The following APBB2 variants were observed in gnomAD, a reference collection of about 807,000 sequenced individuals.
APBB2 encodes amyloid beta precursor protein binding family B member 2.
A neutral mutation model predicts 82.5 loss-of-function variants in APBB2; 38 were observed. The observed-to-expected ratio is 0.46, with a 90% confidence interval of 0.36 to 0.60. APBB2 has a LOEUF of 0.60. Ranked by LOEUF, APBB2 falls within the 20% of genes least tolerant of loss-of-function variation. The pLI is 0.00. For missense variants in APBB2, 772 were observed against 972.3 expected (o/e 0.79, Z 2.74); for synonymous variants, 341 against 368.2 (o/e 0.93, Z 0.85).
At chr4:40,894,156 T>C (rs1364795506) in intron 10 of APBB2, among the ~76,000 whole-genome samples, 8 of 151,760 alleles carry the variant, frequency 5.3e-5, no homozygotes, top group South Asian at 4.2e-4. Context: ...GGCGTGGTGG[T>C]GGGCGCCTCT....
intron 12 of APBB2, among the ~76,000 whole-genome samples, chr4:40,857,467 T>C (rs1578013837): frequency 6.6e-6 from 1 of 152,044 alleles, no homozygotes; most frequent in Non-Finnish European, 1.5e-5. Context: ...GCTGGGTTTC[T>C]GGTTTCTTTT....
chr4:41,059,226 C>T (rs930840592), intron 4 of APBB2, among the ~76,000 whole-genome samples: 3 of 152,182 alleles, frequency 2.0e-5, no homozygotes, highest in Non-Finnish European at 2.9e-5. Context: ...TTTGGGAGGC[C>T]GAGGCAGGCG....
intron 13 of APBB2, 129 bp from the exon 14 acceptor site, chr4:40,827,348 C>T: frequency 1.5e-6 from 1 of 682,764 alleles, no homozygotes; most frequent in Non-Finnish European, 2.6e-6. Flanking sequence ...TGCCTGAAGT[C>T]CCACCCCTGC....
chr4:41,083,461 C>T (rs955160884), intron 3 of APBB2, among the ~76,000 whole-genome samples: 2 of 151,866 alleles, frequency 1.3e-5, no homozygotes, highest in African/African-American at 4.8e-5. Context: ...GAGGCCAAGG[C>T]AGGTGGATCA....
At chr4:41,199,367 G>A (rs1223755716) in intron 1 of APBB2, among the ~76,000 whole-genome samples, 2 of 152,128 alleles carry the variant, frequency 1.3e-5, no homozygotes, top group Admixed American at 6.5e-5. Flanking sequence ...AAACATACAT[G>A]AGAAACTTTC....
intron 4 of APBB2, among the ~76,000 whole-genome samples, chr4:41,064,641 G>A (rs1057435108): frequency 6.6e-6 from 1 of 152,202 alleles, no homozygotes; most frequent in African/African-American, 2.4e-5. Flanking sequence ...TTTCTCCCAG[G>A]TTAATCAGGG....
intron 17 of APBB2, 101 bp downstream of exon 17, chr4:40,821,770 T>C (rs1400871632): frequency 7.4e-7 from 1 of 1,356,752 alleles, no homozygotes; most frequent in Non-Finnish European, 1.0e-6. Flanking sequence ...CTTTAGGGAT[T>C]CGACTTTTTT....
rs772292359 is a variant in APBB2, at chr4:40,823,710, G to A, written c.1866C>T (p.Asn622=). Residue 622 remains asparagine (N), a synonymous_variant, in exon 16 of 18, where the codon AAC becomes AAT. Coordinates refer to ENST00000508593, the MANE Select transcript of APBB2 (RefSeq NM_004307.2). ...SAIENLMTSS[N]KEDWLSVNMN... is the part of the protein sequence containing the mutation. ...TGTTCACTGACAGCCAGTCCTCCTT[G>A]TTGGATGAGGTCATAAGATTTTCTA... 5 of 1,613,896 alleles carry A rather than the reference G, an allele frequency of 3.1e-6. No homozygotes were observed. Among genetic ancestry groups the A allele is most frequent in the Non-Finnish European group, 4.2e-6 (5 of 1,179,966 alleles).
At chr4:40,961,299 G>A (rs1230768622) in intron 6 of APBB2, among the ~76,000 whole-genome samples, 3 of 152,042 alleles carry the variant, frequency 2.0e-5, no homozygotes, top group South Asian at 2.1e-4. Context: ...GATTAGCTTT[G>A]CAATCTCCTA....
intron 6 of APBB2, among the ~76,000 whole-genome samples, chr4:40,950,104 AT>A (rs1479362819): frequency 2.0e-5 from 3 of 152,230 alleles, no homozygotes; most frequent in Non-Finnish European, 2.9e-5. Flanking sequence ...CCTGCAGAGC[AT>A]CTTAAAATGC....
chr4:41,065,162 T>C (rs1026912535), intron 4 of APBB2, among the ~76,000 whole-genome samples: 2 of 151,906 alleles, frequency 1.3e-5, no homozygotes, highest in African/African-American at 4.8e-5. Flanking sequence ...GTGGCACATC[T>C]GTAGTCCCAA....
At chr4:41,085,814 C>A (rs1739456560) in intron 3 of APBB2, among the ~76,000 whole-genome samples, 1 of 151,924 alleles carries the variant, frequency 6.6e-6, no homozygotes, top group Non-Finnish European at 1.5e-5. Context: ...AAAAAGAAGT[C>A]TAATACTGAA....
intron 12 of APBB2, among the ~76,000 whole-genome samples, chr4:40,872,181 G>T (rs746387042): frequency 6.6e-6 from 1 of 152,210 alleles, no homozygotes. Flanking sequence ...TTGTAGTCTA[G>T]ATTGTGACTT....
At chr4:40,982,116 T>C (rs1052450577) in intron 6 of APBB2, among the ~76,000 whole-genome samples, 6 of 147,992 alleles carry the variant, frequency 4.1e-5, no homozygotes, top group Admixed American at 3.4e-4. Flanking sequence ...ACCCAGGAGG[T>C]GGAGGTTGCA....
intron 1 of APBB2, among the ~76,000 whole-genome samples, chr4:41,190,488 A>G (rs530932354): frequency 2.4e-4 from 37 of 152,000 alleles, no homozygotes; most frequent in Admixed American, 1.8e-3. Context: ...TGACCTTGTG[A>G]TCCACCTGCC....
intron 10 of APBB2, among the ~76,000 whole-genome samples, chr4:40,901,654 C>CG (rs1225867002): frequency 3.9e-5 from 6 of 152,146 alleles, no homozygotes; most frequent in African/African-American, 1.4e-4. Context: ...GGATTACAGG[C>CG]GCCCATCACC....
At chr4:41,128,655 C>T (rs1755104072) in intron 2 of APBB2, among the ~76,000 whole-genome samples, 1 of 152,132 alleles carries the variant, frequency 6.6e-6, no homozygotes, top group Admixed American at 6.5e-5. Context: ...CTGTATCAGG[C>T]AGTGTTCTAG....
At chr4:41,020,405 G>GT (rs2154433259) in intron 5 of APBB2, among the ~76,000 whole-genome samples, 1 of 152,338 alleles carries the variant, frequency 6.6e-6, no homozygotes, top group African/African-American at 2.4e-5. Context: ...TGGGTATTCA[G>GT]TAAGTGATAA....
At chr4:40,917,547 A>T (rs1293090237) in intron 10 of APBB2, among the ~76,000 whole-genome samples, 1 of 152,126 alleles carries the variant, frequency 6.6e-6, no homozygotes, top group Non-Finnish European at 1.5e-5. Context: ...CTCTCAATGA[A>T]TTTTTTTCAT....
Sources: allele counts gnomAD v4.1 joint callset (sites outside exome capture counted in the v4.1 genomes callset), GRCh38; gene constraint gnomAD v4.1.1; transcripts MANE v1.5; gene names NCBI Gene and HGNC (gene_info 2026-07-23, HGNC 2026-07-21).